Variants in CDC16 observed in about 807,000 individuals in gnomAD.
CDC16 encodes cell division cycle protein 16 homolog.
Under a neutral mutation model 87.0 loss-of-function variants are expected in CDC16, and 34 were observed. The observed-to-expected ratio is 0.39, with a 90% confidence interval of 0.30 to 0.52. CDC16 has a LOEUF of 0.52. CDC16 is among the 20% of genes least tolerant of loss of function. The pLI is 0.74. For synonymous variants in CDC16, 263 were observed against 260.6 expected, an observed-to-expected ratio of 1.01 and a Z score of -0.09; for missense variants, 653 against 751.9, an observed-to-expected ratio of 0.87 and a Z score of 1.54.
intron 12 of CDC16, among the ~76,000 whole-genome samples, chr13:114,252,049 T>C (rs1220252561): frequency 6.6e-6 from 1 of 150,414 alleles, no homozygotes; most frequent in Non-Finnish European, 1.5e-5. Flanking sequence ...ATAAGAGCCC[T>C]ACACTAACCC....
chr13:114,237,366 T>G (rs146424636), intron 3 of CDC16, among the ~76,000 whole-genome samples: 1 of 152,282 alleles, frequency 6.6e-6, no homozygotes, highest in African/African-American at 2.4e-5. Flanking sequence ...CGTGGCTCAC[T>G]ATAACCTCAG....
intron 3 of CDC16, among the ~76,000 whole-genome samples, chr13:114,237,850 T>G (rs2081331547): frequency 6.6e-6 from 1 of 152,236 alleles, no homozygotes; most frequent in Non-Finnish European, 1.5e-5. Flanking sequence ...CAAGTTCATC[T>G]TGTGAACTAT....
At chr13:114,239,080 T>A in intron 4 of CDC16, 52 bp downstream of exon 4, 1 of 1,596,416 alleles carries the variant, frequency 6.3e-7, no homozygotes, top group Non-Finnish European at 8.5e-7. Context: ...ATGAGTGTTA[T>A]GCATCTCTTA....
intron 5 of CDC16, 83 bp from the exon 6 acceptor site, chr13:114,242,038 T>G: frequency 6.8e-7 from 1 of 1,473,222 alleles, no homozygotes; most frequent in Non-Finnish European, 9.1e-7. Context: ...GGAGACAGAG[T>G]GAGACTCTGC....
chr13:114,265,275 C>G, intron 17 of CDC16, 35 bp downstream of exon 17: 1 of 1,347,904 alleles, frequency 7.4e-7, no homozygotes. Context: ...GTATTGTACT[C>G]CATTTTTTAG....
chr13:114,270,095 T>C (rs2083513841), intron 17 of CDC16, among the ~76,000 whole-genome samples: 1 of 152,228 alleles, frequency 6.6e-6, no homozygotes, highest in Non-Finnish European at 1.5e-5. Flanking sequence ...CTCGCATTGC[T>C]GTAAAGAAAT....
chr13:114,250,580 C>T lies in CDC16; in HGVS notation c.1003C>T (p.Pro335Ser). The part of the protein sequence containing the change: ...KATTLEKTYG[P>S]AWIAYGHSFA... ...CACAACACTTGAGAAAACCTATGGA[C>T]CTGCATGGATAGCCTATGGACATTC... Residue 335 changes from proline (P) to serine (S), a missense_variant, in exon 12 of 18, where the codon CCT becomes TCT. Pro to Ser is a moderately conservative substitution (Grantham distance 74). Transcript: ENST00000356221. 1.2e-6 allele frequency: 2 copies of T among 1,613,798 alleles called. No individual in the cohort carries two copies. The highest frequency in any genetic ancestry group is 1.7e-6 in the Non-Finnish European group (2 of 1,179,888).
chr13:114,255,028 T>C (rs1274109282), intron 12 of CDC16, among the ~76,000 whole-genome samples: 1 of 152,188 alleles, frequency 6.6e-6, no homozygotes, highest in African/African-American at 2.4e-5. Context: ...ATCAGAAAAA[T>C]CTTAAATCTA....
chr13:114,237,691 G>A (rs992662438), intron 3 of CDC16, among the ~76,000 whole-genome samples: 1 of 152,074 alleles, frequency 6.6e-6, no homozygotes, highest in Non-Finnish European at 1.5e-5. Context: ...TCTGAAGACT[G>A]TTTTCTAAAC....
chr13:114,239,510 C>A lies in CDC16; in HGVS notation c.381+20C>A. 1.3e-6 allele frequency: 2 copies of A among 1,550,814 alleles called. No individual in the cohort carries two copies. Among genetic ancestry groups the A allele is most frequent in the South Asian group, 1.2e-5 (1 of 81,628 alleles). ...TCTTCAGTAAGTAGTACTGTGAGCA[C>A]AGCTCAGTAACGGCGGCGAGAATTG... On this transcript the variant is annotated intron_variant, in intron 5 of 17. Coordinates refer to ENST00000356221, the MANE Select transcript of CDC16 (RefSeq NM_001078645.3).
chr13:114,239,271 G>A, intron 4 of CDC16, 79 bp from the exon 5 acceptor site: 2 of 1,533,246 alleles, frequency 1.3e-6, no homozygotes, highest in Non-Finnish European at 1.8e-6. Flanking sequence ...CATAGTATAT[G>A]TTATCCTTTA....
chr13:114,238,842 T>C (rs557586747), intron 3 of CDC16, 148 bp from the exon 4 acceptor site: 30 of 1,025,444 alleles, frequency 2.9e-5, no homozygotes, highest in Non-Finnish European at 3.7e-5. Flanking sequence ...ATAATAAATA[T>C]GGTTTAACAG....
intron 17 of CDC16, among the ~76,000 whole-genome samples, chr13:114,269,326 G>T (rs1016849334): frequency 6.6e-6 from 1 of 152,160 alleles, no homozygotes. Flanking sequence ...CATCACTTCC[G>T]TCACGTTCTG....
At chr13:114,255,504 CTT>C (rs2082439776) in intron 12 of CDC16, among the ~76,000 whole-genome samples, 1 of 152,050 alleles carries the variant, frequency 6.6e-6, no homozygotes, top group Non-Finnish European at 1.5e-5. Flanking sequence ...GAAGCCCAAA[CTT>C]TTTGAGCACT....
intron 1 of CDC16, 151 bp from the exon 2 acceptor site, chr13:114,236,494 T>C: frequency 1.6e-6 from 1 of 614,700 alleles, no homozygotes; most frequent in Non-Finnish European, 2.3e-6. Context: ...AGATGTAAGA[T>C]AGAGATGTAA....
chr13:114,257,889 C>T lies in CDC16; in HGVS notation c.1250+659C>T, dbSNP rs575942205. 1.0e-3 allele frequency among the ~76,000 whole-genome samples: 156 copies of T among 152,178 alleles called. 1 individual carries two copies. Among genetic ancestry groups the T allele is most frequent in the African/African-American group, 3.6e-3 (149 of 41,528 alleles). On this transcript the variant is annotated intron_variant, in intron 13 of 17. Coordinates refer to ENST00000356221, the MANE Select transcript of CDC16 (RefSeq NM_001078645.3). The stretch of plus-strand genomic sequence containing the variant: ...GCATTCTCTGCCTCCCAGGTTCAAG[C>T]GATTCTCCTGCCTCAGCCTCCTGAG...
At chr13:114,251,607 A>C (rs915036105) in intron 12 of CDC16, among the ~76,000 whole-genome samples, 1 of 152,202 alleles carries the variant, frequency 6.6e-6, no homozygotes, top group African/African-American at 2.4e-5. Flanking sequence ...CTCAGTCAGT[A>C]GTCATAGTAA....
chr13:114,264,198 T>C (rs2083037020), intron 16 of CDC16: 1 of 152,220 alleles, frequency 6.6e-6, no homozygotes, highest in Non-Finnish European at 1.5e-5. Flanking sequence ...GTATGATCTT[T>C]TAAATATGTA....
At position 114,250,468 on chromosome 13, in the gene CDC16, A is replaced by G. The variant is rs570183194; in HGVS notation, c.972-81A>G. 1.8e-3 allele frequency: 2,407 copies of G among 1,365,954 alleles called. 35 individuals carry two copies. The African/African-American group carries it at 0.033, about 19-fold the overall frequency. The allele number at this position is 1,365,954 out of a possible 1,614,324, so 84.6% of individuals were successfully genotyped here. ...GATCGCACCACTGCACTCCAGCCTG[A>G]GCGACAAAGTGAGACTTTGTCTCAA... On this transcript the variant is annotated intron_variant, in intron 11 of 17. Transcript: ENST00000356221.
Sources: allele counts gnomAD v4.1 joint callset (sites outside exome capture counted in the v4.1 genomes callset), GRCh38; gene constraint gnomAD v4.1.1; transcripts MANE v1.5; gene names NCBI Gene and HGNC (gene_info 2026-07-23, HGNC 2026-07-21).